Variants in ZFYVE28 observed in about 807,000 individuals in gnomAD.
ZFYVE28 encodes lateral signaling target protein 2 homolog.
ZFYVE28 carries 40 observed loss-of-function variants against 82.1 expected under a neutral mutation model. That is an observed-to-expected ratio of 0.49 (90% CI 0.38 to 0.63). The LOEUF is 0.63. Among genes scored for constraint, ZFYVE28 ranks in the 30% least tolerant of loss-of-function variants. The probability of loss-of-function intolerance (pLI) is 0.00; values close to 1 mark genes in which losing one functional copy is unlikely to be tolerated. For missense variants in ZFYVE28, 1,321 were observed against 1,242.1 expected (o/e 1.06, Z -0.96); for synonymous variants, 612 against 546.1 (o/e 1.12, Z -1.68).
chr4:2,407,217 C>A (rs995065059), intron 1 of ZFYVE28, among the ~76,000 whole-genome samples: 1 of 152,120 alleles, frequency 6.6e-6, no homozygotes, highest in Non-Finnish European at 1.5e-5. Context: ...GATTTGGGGG[C>A]GGTTACTTTT....
intron 1 of ZFYVE28, among the ~76,000 whole-genome samples, chr4:2,386,424 G>T (rs1356135225): frequency 6.6e-6 from 1 of 152,200 alleles, no homozygotes; most frequent in Non-Finnish European, 1.5e-5. Flanking sequence ...GGCGGAGGTT[G>T]CGGTGAGCTG....
rs57499870 is a variant in ZFYVE28, at chr4:2,408,792, C to A, written c.39+9493G>T. ...TGAGTCCTGCCCATATAAGCCCCAC[C>A]TAGATGAAGCCACGCCCAGGTGAGC... On this transcript the variant is annotated intron_variant, in intron 1 of 12. Transcript: ENST00000290974. The surrounding 1 kb of genome is among the most constrained non-coding windows in gnomAD (Gnocchi z 4.3). 1.3e-5 allele frequency among the ~76,000 whole-genome samples: 2 copies of A among 152,120 alleles called. No individual in the cohort carries two copies. Among genetic ancestry groups the A allele is most frequent in the African/African-American group, 4.8e-5 (2 of 41,386 alleles).
At chr4:2,319,689 G>A (rs748637692) in intron 7 of ZFYVE28, among the ~76,000 whole-genome samples, 5 of 152,326 alleles carry the variant, frequency 3.3e-5, no homozygotes, top group East Asian at 3.9e-4. Flanking sequence ...AAGGAAAGGC[G>A]TCGTGTTTTA....
intron 2 of ZFYVE28, among the ~76,000 whole-genome samples, chr4:2,350,034 G>GAT (rs1724133703): frequency 6.7e-6 from 1 of 148,732 alleles, no homozygotes; most frequent in Admixed American, 6.7e-5. Flanking sequence ...GTGACACACA[G>GAT]ACACACACAC....
chr4:2,315,745 T>C (rs1287761462), intron 7 of ZFYVE28, among the ~76,000 whole-genome samples: 1 of 152,232 alleles, frequency 6.6e-6, no homozygotes, highest in Non-Finnish European at 1.5e-5. Flanking sequence ...CACTATGATA[T>C]ACCCAGGTAT....
At chr4:2,333,484 G>A (rs959465847) in intron 6 of ZFYVE28, among the ~76,000 whole-genome samples, 2 of 151,850 alleles carry the variant, frequency 1.3e-5, no homozygotes, top group Non-Finnish European at 2.9e-5. Flanking sequence ...GGCAAACACG[G>A]GCAGCAGACT....
chr4:2,333,681 T>C (rs983501267), intron 6 of ZFYVE28, among the ~76,000 whole-genome samples: 1 of 152,064 alleles, frequency 6.6e-6, no homozygotes, highest in Non-Finnish European at 1.5e-5. Context: ...CGGAGAACTT[T>C]TTACAAGGAC....
intron 1 of ZFYVE28, among the ~76,000 whole-genome samples, chr4:2,398,547 T>C (rs914625697): frequency 2.1e-4 from 31 of 151,136 alleles, no homozygotes; most frequent in African/African-American, 6.8e-4. Context: ...AGAAGGAAAA[T>C]AGGTGAGATC....
chr4:2,406,669 G>T (rs957469912), intron 1 of ZFYVE28: 18 of 152,256 alleles, frequency 1.2e-4, no homozygotes, highest in African/African-American at 4.1e-4. Flanking sequence ...ACAGCACAAG[G>T]TTGGATTGTT....
At position 2,410,023 on chromosome 4, in the gene ZFYVE28, A is replaced by AT. The variant is rs980259064; in HGVS notation, c.39+8261dup. Among the ~76,000 whole-genome samples, 73 of 151,672 alleles carry AT rather than the reference A, an allele frequency of 4.8e-4. 1 individual carries two copies. In the Middle Eastern group the frequency reaches 0.01, roughly 21 times the overall value. On this transcript the variant is annotated intron_variant, in intron 1 of 12. Transcript: ENST00000290974. ...ACCATGGCTCTGGGCCTATTTTCCT[A>AT]TTTTTTTTTATTCAGGGGCAAAACA...
chr4:2,394,295 G>A lies in ZFYVE28; in HGVS notation c.39+23990C>T, dbSNP rs75250917. Among the ~76,000 whole-genome samples the A allele has an allele frequency of 6.6e-6, 1 of 152,130 alleles. No homozygotes were observed. The highest frequency in any genetic ancestry group is 1.9e-4 in the East Asian group (1 of 5,182). The stretch of plus-strand genomic sequence containing the variant: ...ACCTCATAGATTCATGGGTTCCAGG[G>A]ATTCACACATGGACACCTTTGGGGG... On this transcript the variant is annotated intron_variant, in intron 1 of 12. Transcript: ENST00000290974. This position sits in a 1 kb window ranked among gnomAD's most constrained non-coding sequence, Gnocchi z 4.0.
At chr4:2,294,505 CAT>C (rs1714235379) in intron 8 of ZFYVE28, among the ~76,000 whole-genome samples, 1 of 152,020 alleles carries the variant, frequency 6.6e-6, no homozygotes, top group Admixed American at 6.6e-5. Context: ...CAGAAGAAAA[CAT>C]AGAAAAAAAT....
intron 8 of ZFYVE28, chr4:2,286,356 G>C (rs1712740003): frequency 6.6e-6 from 1 of 152,436 alleles, no homozygotes; most frequent in African/African-American, 2.4e-5. Context: ...CTTTGCGGGG[G>C]TGGGAGGGGG....
At chr4:2,390,330 C>T (rs926990979) in intron 1 of ZFYVE28, among the ~76,000 whole-genome samples, 23 of 152,246 alleles carry the variant, frequency 1.5e-4, no homozygotes, top group African/African-American at 5.1e-4. Context: ...TCAGACTCTG[C>T]GGGGGTGAAT....
At chr4:2,296,603 G>C (rs1048167733) in intron 8 of ZFYVE28, among the ~76,000 whole-genome samples, 1 of 151,028 alleles carries the variant, frequency 6.6e-6, no homozygotes, top group Non-Finnish European at 1.5e-5. Context: ...GCAGGACCTC[G>C]GGACACCTGC....
At position 2,327,188 on chromosome 4, in the gene ZFYVE28, T is replaced by C. The variant is rs1026519797; in HGVS notation, c.702-6917A>G. Among the ~76,000 whole-genome samples the C allele has an allele frequency of 8.8e-5, 13 of 147,974 alleles. No homozygotes were observed. In the East Asian group the frequency reaches 2.4e-3, roughly 28 times the overall value. ...TCGCTTGAACCCAGTAGGTGGAGGT[T>C]GTAGTGAGCTGAGATCGCACCACTG... On this transcript the variant is annotated intron_variant, in intron 6 of 12. Coordinates refer to ENST00000290974, the MANE Select transcript of ZFYVE28 (RefSeq NM_020972.3).
At chr4:2,357,176 C>T (rs545950761) in intron 1 of ZFYVE28, among the ~76,000 whole-genome samples, 35 of 152,330 alleles carry the variant, frequency 2.3e-4, no homozygotes, top group African/African-American at 7.2e-4. Flanking sequence ...GGATTACAGG[C>T]GTGAGCCACC....
intron 1 of ZFYVE28, among the ~76,000 whole-genome samples, chr4:2,393,207 C>T (rs1578362829): frequency 2.0e-5 from 3 of 152,202 alleles, no homozygotes; most frequent in Non-Finnish European, 4.4e-5. Flanking sequence ...GAAATCTCAC[C>T]GCATCCGCTG....
chr4:2,360,426 C>CACACAG lies in ZFYVE28; in HGVS notation c.40-6354_40-6353insCTGTGT, dbSNP rs1491460973. Reference sequence around the variant, plus strand: ...ACACACACACACACACACACACACACAGGCACGCACGCACACACAGAAACC... The same window carrying CACACAG: ...ACACACACACACACACACACACACACACACAGAGGCACGCACGCACACACAGAAACC... On this transcript the variant is annotated intron_variant, in intron 1 of 12. Transcript: ENST00000290974. 2.4e-3 allele frequency among the ~76,000 whole-genome samples: 365 copies of CACACAG among 151,132 alleles called. 3 individuals are homozygous for CACACAG. The highest frequency in any genetic ancestry group is 2.7e-3 in the Non-Finnish European group (181 of 67,836).
Sources: gnomAD v4.1 joint callset for allele counts (sites outside exome capture counted in the v4.1 genomes callset) on GRCh38, gnomAD v4.1.1 for gene constraint, Gnocchi (gnomAD v3.1) non-coding constraint, MANE v1.5 for transcripts, NCBI Gene and HGNC (gene_info 2026-07-23, HGNC 2026-07-21) for gene names.